The following CDC25B variants were observed in gnomAD, a reference collection of about 807,000 sequenced individuals.
The protein encoded by CDC25B is M-phase inducer phosphatase 2.
CDC25B carries 33 observed loss-of-function variants against 69.8 expected under a neutral mutation model. That is an observed-to-expected ratio of 0.47 (90% CI 0.36 to 0.63). The LOEUF is 0.63. Among genes scored for constraint, CDC25B ranks in the 30% least tolerant of loss-of-function variants. The pLI is 0.00. For missense variants in CDC25B, 727 were observed against 809.1 expected, an observed-to-expected ratio of 0.90 and a Z score of 1.23; for synonymous variants, 341 against 314.6, an observed-to-expected ratio of 1.08 and a Z score of -0.89.
chr20:3,797,733 C>A lies in CDC25B; in HGVS notation c.312C>A (p.Ser104=). Residue 104 remains serine, a synonymous_variant, in exon 2 of 16, where the codon TCC becomes TCA. Coordinates refer to ENST00000245960, the MANE Select transcript of CDC25B (RefSeq NM_021873.4). Reference sequence around the variant, plus strand: ...AATCCTCCCTGTCGTCTGAATCCTCCGAATCTTCTGATGCAGGTGAGGCCC... The same window carrying A: ...AATCCTCCCTGTCGTCTGAATCCTCAGAATCTTCTGATGCAGGTGAGGCCC... ...ASESSLSSES[S]ESSDAGLCMD... 6.2e-7 allele frequency: 1 copy of A among 1,614,030 alleles called. No individual in the cohort carries two copies. Among genetic ancestry groups the A allele is most frequent in the Non-Finnish European group, 8.5e-7 (1 of 1,180,028 alleles).
chr20:3,787,030 GT>G (rs747272595), exon 1 of CDC25B: 67,886 of 398,186 alleles, frequency 0.17, 6 homozygotes, highest in South Asian at 0.2. Context: ...GTTTTTGTTT[GT>G]TTTTTTTTTT....
Position 3,804,811 on chromosome 20 carries a change from C to A in CDC25B, c.1603-10C>A, listed in dbSNP as rs771427205. ...ATTCCACTGCATTGACCCCTCCTGT[C>A]CTGCCCTAGAACTTCTGTGAACCCC... On this transcript the variant is annotated splice_polypyrimidine_tract_variant and intron_variant, in intron 15 of 15. Coordinates refer to ENST00000245960, the MANE Select transcript of CDC25B (RefSeq NM_021873.4). 8.1e-6 allele frequency: 13 copies of A among 1,613,952 alleles called. No individual in the cohort carries two copies. Among genetic ancestry groups the A allele is most frequent in the Non-Finnish European group, 1.1e-5 (13 of 1,179,960 alleles).
upstream of CDC25B, chr20:3,795,678 G>T (rs972439994): frequency 2.2e-5 from 22 of 983,656 alleles, no homozygotes; most frequent in East Asian, 9.1e-4. Flanking sequence ...CATCAGTTCC[G>T]CTTGGGGGCC....
chr20:3,792,203 C>T (rs2088926528), upstream of CDC25B, among the ~76,000 whole-genome samples: 1 of 152,166 alleles, frequency 6.6e-6, no homozygotes, highest in Admixed American at 6.5e-5. Flanking sequence ...TGTGAGCCAG[C>T]ATGCCAGCCT....
chr20:3,798,314 T>A lies in CDC25B; in HGVS notation c.329-98T>A. On this transcript the variant is annotated intron_variant, in intron 2 of 15. Coordinates refer to ENST00000245960, the MANE Select transcript of CDC25B (RefSeq NM_021873.4). ...ATGTGTCAAAGTCCAAACTAGAAAC[T>A]GTTTTTTTTTTTTTTTTTTTTTTCA... 7.5e-6 allele frequency: 5 copies of A among 667,346 alleles called. No homozygotes were observed. In the South Asian group the frequency reaches 1.5e-4, roughly 21 times the overall value. The allele number at this position is 667,346 out of a possible 1,614,324, so 41.3% of individuals were successfully genotyped here. A position where few individuals can be genotyped will look rare whatever the true frequency, so the allele number is the denominator to read the frequency against.
chr20:3,798,428 C>T lies in CDC25B; in HGVS notation c.345C>T (p.Ser115=), dbSNP rs2089145408. The change falls in exon 3 of 16, where the codon TCC becomes TCT. Residue 115 remains serine (S), a synonymous_variant. Transcript: ENST00000245960. The part of the protein sequence containing the change: ...ESSDAGLCMD[S]PSPMDPHMAE... ...TCCCCTCAGGTCTCTGCATGGATTC[C>T]CCCAGCCCTATGGACCCCCACATGG... 6.3e-7 allele frequency: 1 copy of T among 1,598,032 alleles called. No homozygotes were observed. Among genetic ancestry groups the T allele is most frequent in the East Asian group, 2.3e-5 (1 of 43,664 alleles).
rs543559671 is a variant in CDC25B, at chr20:3,786,975, G to A, written c.-157G>A. On this transcript the variant is annotated 5_prime_UTR_variant, in exon 1 of 16. Transcript: ENST00000344256. ...CGGGGACGCGGTGCATCGCTACTGCGCCCGGCGGACAGCGACTTGCTGCTC... is the reference window on the plus strand; with the variant it reads ...CGGGGACGCGGTGCATCGCTACTGCACCCGGCGGACAGCGACTTGCTGCTC... 6 of 533,700 alleles carry A rather than the reference G, an allele frequency of 1.1e-5. No individual in the cohort carries two copies. The East Asian group carries it at 1.9e-4, about 17-fold the overall frequency. The allele number at this position is 533,700 out of a possible 1,614,324, so 33.1% of individuals were successfully genotyped here.
chr20:3,795,940 G>A (rs775434656), upstream of CDC25B: 3 of 986,776 alleles, frequency 3.0e-6, no homozygotes, highest in Non-Finnish European at 3.6e-6. Flanking sequence ...GCAAACTTCC[G>A]GGAGCCAGTT....
At position 3,796,519 on chromosome 20, in the gene CDC25B, CG is replaced by C. The variant is rs1568502665; in HGVS notation, c.-11del. On this transcript the variant is annotated 5_prime_UTR_variant, in exon 1 of 16. Coordinates refer to ENST00000245960, the MANE Select transcript of CDC25B (RefSeq NM_021873.4). The stretch of plus-strand genomic sequence containing the variant: ...CCCGGCCCTCCAGCCAGCCTTCTGC[CG>C]GCCCCGCCGCGATGGAGGTGCCCCA... 1.5e-5 allele frequency: 22 copies of C among 1,482,852 alleles called. No homozygotes were observed. Among genetic ancestry groups the C allele is most frequent in the Non-Finnish European group, 2.0e-5 (22 of 1,123,780 alleles). 91.9% of individuals were successfully genotyped at this position (1,482,852 alleles called of 1,614,324 possible).
chr20:3,799,897 T>C (rs2089211937), intron 3 of CDC25B, among the ~76,000 whole-genome samples: 6 of 152,130 alleles, frequency 3.9e-5, no homozygotes, highest in Admixed American at 3.9e-4. Flanking sequence ...CCCTGGCCTA[T>C]CATAGGATGG....
At chr20:3,796,003 G>A (rs1436120985), upstream of CDC25B, 5 of 989,540 alleles carry the variant, frequency 5.1e-6, no homozygotes, top group Non-Finnish European at 6.0e-6. Flanking sequence ...TGCCGCGGGG[G>A]GTCCTGCGGA....
chr20:3,797,733 C>T lies in CDC25B; in HGVS notation c.312C>T (p.Ser104=), dbSNP rs752772168. ...ASESSLSSES[S]ESSDAGLCMD... ...AATCCTCCCTGTCGTCTGAATCCTC[C>T]GAATCTTCTGATGCAGGTGAGGCCC... Residue 104 remains serine (S), a synonymous_variant, in exon 2 of 16, where the codon TCC becomes TCT. Coordinates refer to ENST00000245960, the MANE Select transcript of CDC25B (RefSeq NM_021873.4). 19 of 1,614,030 alleles carry T rather than the reference C, an allele frequency of 1.2e-5. No homozygotes were observed. Among genetic ancestry groups the T allele is most frequent in the Admixed American group, 1.7e-5 (1 of 60,018 alleles).
rs1685655405 is a variant in CDC25B, at chr20:3,800,857, A to G, written c.574A>G (p.Lys192Glu). 2 of 1,613,828 alleles carry G rather than the reference A, an allele frequency of 1.2e-6. No homozygotes were observed. Among genetic ancestry groups the G allele is most frequent in the African/African-American group, 2.7e-5 (2 of 75,044 alleles). The change falls in exon 6 of 16, where the codon AAG becomes GAG. Residue 192 changes from lysine (K) to glutamate (E), a missense_variant. Physicochemically the swap from Lys to Glu is moderately conservative, Grantham distance 56. This residue lies in a region of CDC25B where 368 missense variants were observed against 345.6 expected (regional missense o/e 1.06). Coordinates refer to ENST00000245960, the MANE Select transcript of CDC25B (RefSeq NM_021873.4). ...SGAASSSGED[K>E]ENDGFVFKMP... The stretch of plus-strand genomic sequence containing the variant: ...AGCTGCCAGCAGCTCTGGGGAAGAC[A>G]AGGAGAATGTGCGCTTCTGGAAGGC...
intron 14 of CDC25B, 51 bp from the exon 15 acceptor site, chr20:3,804,518 A>C: frequency 8.4e-7 from 1 of 1,186,150 alleles, no homozygotes; most frequent in Non-Finnish European, 1.3e-6. Context: ...CCCATGATGT[A>C]CAAGCCACTG....
In CDC25B at chr20:3,803,062, G is replaced by A. The variant is rs201850232; in HGVS notation, c.1258-46G>A. 55 of 1,596,290 alleles carry A rather than the reference G, an allele frequency of 3.4e-5. No homozygotes were observed. The East Asian group carries it at 1.1e-3, about 31-fold the overall frequency. On this transcript the variant is annotated intron_variant, in intron 12 of 15. Transcript: ENST00000245960. The surrounding 1 kb of genome is among the most constrained non-coding windows in gnomAD (Gnocchi z 4.9). ...GGGGACAGGCTAGGGCCACCTGCCA[G>A]CTGCCAGCCTGACCTGCCGGAACCA... is the stretch of plus-strand genomic sequence containing the variant.
chr20:3,801,666 A>T, intron 8 of CDC25B, 56 bp from the exon 9 acceptor site: 1 of 1,366,166 alleles, frequency 7.3e-7, no homozygotes, highest in Non-Finnish European at 1.0e-6. Flanking sequence ...CCGGGACTGG[A>T]GGGGTTTGGC....
chr20:3,802,457 G>A, intron 11 of CDC25B, 81 bp downstream of exon 11: 1 of 950,996 alleles, frequency 1.1e-6, no homozygotes. Flanking sequence ...GGCTGCTTGG[G>A]TTCCTCCCTT....
intron 1 of CDC25B, chr20:3,787,142 A>G (rs748120930): frequency 1.5e-6 from 1 of 667,128 alleles, no homozygotes; most frequent in South Asian, 1.7e-5. Flanking sequence ...ATGCACAGGT[A>G]ACATTTTGAT....
upstream of CDC25B, among the ~76,000 whole-genome samples, chr20:3,792,244 C>A (rs1320253272): frequency 6.6e-6 from 1 of 151,004 alleles, no homozygotes; most frequent in Non-Finnish European, 1.5e-5. Context: ...TTTGTATATT[C>A]TTTAAAATAC....
Sources: allele counts gnomAD v4.1 joint callset (sites outside exome capture counted in the v4.1 genomes callset), GRCh38; gene constraint gnomAD v4.1.1; regional missense constraint gnomAD v4.1.1; non-coding constraint Gnocchi (gnomAD v3.1); transcripts MANE v1.5; gene names NCBI Gene and HGNC (gene_info 2026-07-23, HGNC 2026-07-21).